JPH3: variants seen among roughly 807,000 people sequenced by gnomAD.
The protein encoded by JPH3 is junctophilin 3.
In JPH3, 11 loss-of-function variants were observed where a neutral mutation model predicts 59.6. That is an observed-to-expected ratio of 0.18 (90% CI 0.12 to 0.31). The LOEUF is 0.31. JPH3 is among the 10% of genes least tolerant of loss of function. The pLI is 1.00. For missense variants in JPH3, 1,202 were observed against 1,105.7 expected, an observed-to-expected ratio of 1.09 and a Z score of -1.24; for synonymous variants, 673 against 483.6, an observed-to-expected ratio of 1.39 and a Z score of -5.14.
At chr16:87,677,426 A>G (rs976647158) in intron 2 of JPH3, among the ~76,000 whole-genome samples, 1 of 152,168 alleles carries the variant, frequency 6.6e-6, no homozygotes, top group Non-Finnish European at 1.5e-5. Flanking sequence ...AGCTGCTAAA[A>G]AAAACTCGCC....
At chr16:87,618,547 C>T (rs1017041192) in intron 1 of JPH3, among the ~76,000 whole-genome samples, 1 of 152,216 alleles carries the variant, frequency 6.6e-6, no homozygotes, top group East Asian at 1.9e-4. Flanking sequence ...GACAGACTGA[C>T]AGTGTTCGGC....
chr16:87,656,292 A>G (rs1261594990), intron 2 of JPH3, among the ~76,000 whole-genome samples: 1 of 152,194 alleles, frequency 6.6e-6, no homozygotes, highest in African/African-American at 2.4e-5. Context: ...CGCAGGCAGG[A>G]GAGTTCCCAC....
intron 3 of JPH3, among the ~76,000 whole-genome samples, chr16:87,684,835 G>A (rs923473644): frequency 6.9e-6 from 1 of 145,046 alleles, no homozygotes. Flanking sequence ...TCGAGGGGGG[G>A]ATCATGGGTG....
intron 1 of JPH3, among the ~76,000 whole-genome samples, chr16:87,638,580 CA>C (rs1466555767): frequency 2.8e-4 from 1 of 3,592 alleles, no homozygotes; most frequent in Non-Finnish European, 0.012. Flanking sequence ...TAGGAGGGGA[CA>C]GGGGCAGGGC....
At chr16:87,696,061 G>A (rs1432171349) in intron 4 of JPH3, 2 of 456,448 alleles carry the variant, frequency 4.4e-6, no homozygotes, top group South Asian at 1.5e-5. Flanking sequence ...AAGGTGTGGT[G>A]AGGGGGGGTT....
intron 2 of JPH3, among the ~76,000 whole-genome samples, chr16:87,653,067 T>TA (rs552314302): frequency 6.7e-6 from 1 of 150,296 alleles, no homozygotes; most frequent in African/African-American, 2.5e-5. Flanking sequence ...AGTCAGTGCC[T>TA]GCGGGGGGGA....
At chr16:87,642,439 T>C (rs1456146098) in intron 1 of JPH3, among the ~76,000 whole-genome samples, 2 of 152,236 alleles carry the variant, frequency 1.3e-5, no homozygotes, top group African/African-American at 4.8e-5. Flanking sequence ...AGAAGAGAGC[T>C]GAATTTTTAT....
chr16:87,624,701 G>T (rs975733340), intron 1 of JPH3, among the ~76,000 whole-genome samples: 1 of 152,234 alleles, frequency 6.6e-6, no homozygotes, highest in Admixed American at 6.5e-5. Context: ...TTTCCTCCTG[G>T]GTGGAGATTG....
At chr16:87,656,100 C>G (rs2032493469) in intron 2 of JPH3, among the ~76,000 whole-genome samples, 1 of 152,248 alleles carries the variant, frequency 6.6e-6, no homozygotes, top group South Asian at 2.1e-4. Flanking sequence ...GTGAACTTCC[C>G]TTCCTGAGCT....
chr16:87,676,226 A>G (rs1168280230), intron 2 of JPH3, among the ~76,000 whole-genome samples: 2 of 152,148 alleles, frequency 1.3e-5, no homozygotes, highest in African/African-American at 4.8e-5. Flanking sequence ...TGAGACCAGA[A>G]TCCCTATCAG....
intron 2 of JPH3, among the ~76,000 whole-genome samples, chr16:87,661,709 G>A (rs2032709206): frequency 6.6e-6 from 1 of 152,254 alleles, no homozygotes; most frequent in African/African-American, 2.4e-5. Context: ...TCCAAGAGCA[G>A]GGTCAGCACC....
chr16:87,627,264 G>A (rs1309498803), intron 1 of JPH3, among the ~76,000 whole-genome samples: 2 of 152,256 alleles, frequency 1.3e-5, no homozygotes, highest in Non-Finnish European at 2.9e-5. Flanking sequence ...TCCTGATGCA[G>A]CTGTTGGGGT....
intron 2 of JPH3, among the ~76,000 whole-genome samples, chr16:87,660,170 A>G (rs1017101902): frequency 2.0e-5 from 3 of 152,214 alleles, no homozygotes; most frequent in Non-Finnish European, 4.4e-5. Flanking sequence ...ACGGCAGTGC[A>G]CAGGGACTAG....
intron 4 of JPH3, chr16:87,696,222 C>T (rs1391687496): frequency 2.3e-6 from 1 of 441,384 alleles, no homozygotes; most frequent in East Asian, 6.0e-5. Flanking sequence ...AGCCTGCTGA[C>T]TGGCACAAAG....
chr16:87,623,452 C>G (rs907220452), intron 1 of JPH3, among the ~76,000 whole-genome samples: 1 of 152,208 alleles, frequency 6.6e-6, no homozygotes, highest in East Asian at 1.9e-4. Context: ...GGGGACATGC[C>G]GTTTCCATGA....
chr16:87,639,699 G>C (rs1428170817), intron 1 of JPH3, among the ~76,000 whole-genome samples: 1 of 151,070 alleles, frequency 6.6e-6, no homozygotes, highest in Non-Finnish European at 1.5e-5. Flanking sequence ...CGCACCCTCC[G>C]TTCTACTTTC....
At chr16:87,667,307 C>T (rs750011686) in intron 2 of JPH3, among the ~76,000 whole-genome samples, 60 of 152,218 alleles carry the variant, frequency 3.9e-4, no homozygotes, top group Non-Finnish European at 6.8e-4. Flanking sequence ...CTTTTCCCGA[C>T]GTGAATGGAA....
chr16:87,604,982 T>C, intron 1 of JPH3: 1 of 451,958 alleles, frequency 2.2e-6, no homozygotes. Context: ...TGTGGGCCTG[T>C]GTGTGTGTGT....
intron 4 of JPH3, among the ~76,000 whole-genome samples, chr16:87,692,069 G>A (rs1266199964): frequency 1.3e-5 from 2 of 152,224 alleles, no homozygotes; most frequent in Non-Finnish European, 2.9e-5. Flanking sequence ...GTCCTGCCCG[G>A]TCTCCAGCTG....
Sources: allele counts gnomAD v4.1 joint callset (sites outside exome capture counted in the v4.1 genomes callset), GRCh38; gene constraint gnomAD v4.1.1; transcripts MANE v1.5; gene names NCBI Gene and HGNC (gene_info 2026-07-23, HGNC 2026-07-21).